Variants in TIAL1 observed in about 807,000 individuals in gnomAD.
TIAL1 encodes nucleolysin TIAR.
Under a neutral mutation model 59.7 loss-of-function variants are expected in TIAL1, and 7 were observed. The ratio of observed to expected loss-of-function variants is 0.12; its 90% CI spans 0.07 to 0.22. The LOEUF (loss-of-function observed/expected upper bound fraction) is 0.22. Ranked by LOEUF, TIAL1 falls within the 10% of genes least tolerant of loss-of-function variation. The pLI, the probability that TIAL1 is intolerant of heterozygous loss-of-function variation, is 1.00. For missense variants in TIAL1, 225 were observed against 462.5 expected, an observed-to-expected ratio of 0.49 and a Z score of 4.71; for synonymous variants, 149 against 146.3, an observed-to-expected ratio of 1.02 and a Z score of -0.13.
At chr10:119,586,423 C>T (rs1258794404) in intron 2 of TIAL1, among the ~76,000 whole-genome samples, 1 of 152,182 alleles carries the variant, frequency 6.6e-6, no homozygotes, top group Non-Finnish European at 1.5e-5. Context: ...CTAGCACTTT[C>T]GAGAATAAGC....
At chr10:119,593,616 GA>G (rs1564747138) in intron 1 of TIAL1, 2 of 399,922 alleles carry the variant, frequency 5.0e-6, no homozygotes, top group Non-Finnish European at 3.4e-6. Flanking sequence ...CTGGCCACTT[GA>G]AAAACCTAAT....
intron 5 of TIAL1, 145 bp downstream of exon 5, chr10:119,581,777 A>G: frequency 1.5e-6 from 1 of 684,200 alleles, no homozygotes; most frequent in South Asian, 2.4e-5. Flanking sequence ...TCCACTACTC[A>G]AAACAAACCA....
rs996470089 is a variant in TIAL1, at chr10:119,573,901, T to A, written c.*1764A>T. 3 of 152,226 alleles carry A rather than the reference T, an allele frequency of 2.0e-5. No individual in the cohort carries two copies. The highest frequency in any genetic ancestry group is 7.2e-5 in the African/African-American group (3 of 41,458). The allele number at this position is 152,226 out of a possible 1,614,324, so 9.4% of individuals were successfully genotyped here. ...TTTATGTTGAATACATTTGGCTATA[T>A]TGCTAAGTGGGAAAAGGAGGAAAGT... On this transcript the variant is annotated 3_prime_UTR_variant, in exon 12 of 12. Transcript: ENST00000436547.
At chr10:119,587,535 C>T (rs1367857650) in intron 2 of TIAL1, among the ~76,000 whole-genome samples, 2 of 151,986 alleles carry the variant, frequency 1.3e-5, no homozygotes, top group African/African-American at 4.8e-5. Flanking sequence ...TGTCTCCCTA[C>T]TAAACTGTAA....
At chr10:119,576,962 A>G (rs1845023203) in intron 10 of TIAL1, 118 bp downstream of exon 10, 1 of 1,407,808 alleles carries the variant, frequency 7.1e-7, no homozygotes, top group Middle Eastern at 1.9e-4. Context: ...ATTTTGAAAT[A>G]CAATCAACTG....
intron 6 of TIAL1, 178 bp from the exon 7 acceptor site, chr10:119,579,012 T>C: frequency 3.3e-6 from 2 of 598,114 alleles, no homozygotes; most frequent in Non-Finnish European, 5.9e-6. Context: ...AACTTGAGAT[T>C]CAATCTAAGC....
intron 7 of TIAL1, 77 bp from the exon 8 acceptor site, chr10:119,577,813 T>C (rs1451180364): frequency 2.3e-6 from 3 of 1,299,710 alleles, no homozygotes; most frequent in Non-Finnish European, 3.3e-6. Context: ...CTATATACTA[T>C]TAAGATATGC....
chr10:119,591,035 C>A (rs1298509576), intron 1 of TIAL1, among the ~76,000 whole-genome samples: 1 of 152,190 alleles, frequency 6.6e-6, no homozygotes, highest in African/African-American at 2.4e-5. Context: ...ACATCAATTT[C>A]TTCAGGAAAA....
In TIAL1 at chr10:119,575,359, G is replaced by T; in HGVS notation, c.*306C>A. On this transcript the variant is annotated 3_prime_UTR_variant, in exon 12 of 12. Coordinates refer to ENST00000436547, the MANE Select transcript of TIAL1 (RefSeq NM_003252.4). The stretch of plus-strand genomic sequence containing the variant: ...AAGATAAAAATGGAATAGTATCTAA[G>T]AATCAAAATGTATTAGCCATTTTTC... 4.1e-6 allele frequency: 1 copy of T among 242,024 alleles called. No individual in the cohort carries two copies. The highest frequency in any genetic ancestry group is 8.1e-6 in the Non-Finnish European group (1 of 122,804). The allele number at this position is 242,024 out of a possible 1,614,324, so 15.0% of individuals were successfully genotyped here.
Position 119,582,195 on chromosome 10 carries a change from G to T in TIAL1, c.257C>A (p.Pro86Gln). Residue 86 changes from proline (P) to glutamine (Q), a missense_variant, in exon 4 of 12, where the codon CCA (proline) becomes CAA (glutamine). Pro to Gln is a moderately conservative substitution (Grantham distance 76, BLOSUM62 -1). Transcript: ENST00000436547. This position sits in a 1 kb window ranked among gnomAD's most constrained non-coding sequence, Gnocchi z 5.1. ...KEVKVNWATT[P>Q]SSQKKDTSNH... Reference sequence around the variant, plus strand: ...GGAAGTATCTTTTTTCTGGCTACTTGGTGTGGTTGCCCAGTTTACTTTGAC... The same window carrying T: ...GGAAGTATCTTTTTTCTGGCTACTTTGTGTGGTTGCCCAGTTTACTTTGAC... 1 of 1,606,052 alleles carries T rather than the reference G, an allele frequency of 6.2e-7. No homozygotes were observed. Among genetic ancestry groups the T allele is most frequent in the Non-Finnish European group, 8.5e-7 (1 of 1,177,528 alleles).
At chr10:119,592,782 C>A (rs997559844) in intron 1 of TIAL1, among the ~76,000 whole-genome samples, 14 of 152,230 alleles carry the variant, frequency 9.2e-5, no homozygotes, top group African/African-American at 3.1e-4. Flanking sequence ...CACACACACA[C>A]ACACACTCAC....
intron 2 of TIAL1, among the ~76,000 whole-genome samples, chr10:119,583,039 T>C (rs1845373608): frequency 6.6e-6 from 1 of 152,160 alleles, no homozygotes; most frequent in Non-Finnish European, 1.5e-5. Flanking sequence ...GGATCAATAC[T>C]ACAAATGATG....
At chr10:119,590,488 G>C (rs1845793814) in intron 1 of TIAL1, among the ~76,000 whole-genome samples, 1 of 152,162 alleles carries the variant, frequency 6.6e-6, no homozygotes, top group East Asian at 1.9e-4. Context: ...ATGGCAGGCG[G>C]ATCATGAGGT....
intron 9 of TIAL1, 31 bp from the exon 10 acceptor site, chr10:119,577,234 T>C (rs748172747): frequency 6.3e-7 from 1 of 1,578,164 alleles, no homozygotes; most frequent in Non-Finnish European, 8.6e-7. Context: ...GGTTTTGTCT[T>C]TTATTTTTTA....
At chr10:119,575,833 A>T in intron 11 of TIAL1, 42 bp from the exon 12 acceptor site, 1 of 1,516,432 alleles carries the variant, frequency 6.6e-7, no homozygotes, top group African/African-American at 1.4e-5. Flanking sequence ...CACAAGAAAA[A>T]AAAAATCACA....
rs1844836491 is a variant in TIAL1, at chr10:119,574,074, A to G, written c.*1591T>C. The stretch of plus-strand genomic sequence containing the variant: ...AAAGGCTATTTTCTCTTTGGTGCCC[A>G]GGCCAGCATTTTGAATACATTGCCA... On this transcript the variant is annotated 3_prime_UTR_variant, in exon 12 of 12. Coordinates refer to ENST00000436547, the MANE Select transcript of TIAL1 (RefSeq NM_003252.4). 6.5e-6 allele frequency: 1 copy of G among 152,672 alleles called. No individual in the cohort carries two copies. The highest frequency in any genetic ancestry group is 1.5e-5 in the Non-Finnish European group (1 of 68,030). 9.5% of individuals were successfully genotyped at this position (152,672 alleles called of 1,614,324 possible).
At chr10:119,588,343 CTTTCTTTCT>C in intron 1 of TIAL1, 95 bp from the exon 2 acceptor site, 5 of 648,584 alleles carry the variant, frequency 7.7e-6, no homozygotes, top group Non-Finnish European at 1.2e-5. Context: ...TTCTTTCTTT[CTTTCTTTCT>C]TTTTTTTTTA....
In TIAL1 at chr10:119,577,666, A is replaced by G. The variant is rs1376469294; in HGVS notation, c.627T>C (p.Cys209=). The G allele has an allele frequency of 1.9e-6, 3 of 1,614,176 alleles. No individual in the cohort carries two copies. Among genetic ancestry groups the G allele is most frequent in the Non-Finnish European group, 1.7e-6 (2 of 1,180,010 alleles). The change falls in exon 8 of 12, where the codon TGT becomes TGC. Residue 209 remains cysteine, a synonymous_variant. Coordinates refer to ENST00000436547, the MANE Select transcript of TIAL1 (RefSeq NM_003252.4). Reference sequence around the variant, plus strand: ...CTGTTAACCCAGACGCAATTCCTCCACAGTACACAGTACAATTTTTTGGAC... The same window carrying G: ...CTGTTAACCCAGACGCAATTCCTCCGCAGTACACAGTACAATTTTTTGGAC... The part of the protein sequence containing the change: ...QSSPKNCTVY[C]GGIASGLTDQ...
At chr10:119,593,617 A>T (rs1845998456) in intron 1 of TIAL1, 1 of 390,042 alleles carries the variant, frequency 2.6e-6, no homozygotes, top group Non-Finnish European at 3.5e-6. Flanking sequence ...TGGCCACTTG[A>T]AAAACCTAAT....
Sources: gnomAD v4.1 joint callset for allele counts (sites outside exome capture counted in the v4.1 genomes callset) on GRCh38, gnomAD v4.1.1 for gene constraint, Gnocchi (gnomAD v3.1) non-coding constraint, MANE v1.5 for transcripts, NCBI Gene and HGNC (gene_info 2026-07-23, HGNC 2026-07-21) for gene names.